ZNF536: variants seen among roughly 807,000 people sequenced by gnomAD.
ZNF536 encodes the protein zinc finger protein 536.
A neutral mutation model predicts 84.5 loss-of-function variants in ZNF536; 13 were observed. That is an observed-to-expected ratio of 0.15 (90% CI 0.10 to 0.24). The LOEUF (loss-of-function observed/expected upper bound fraction) is 0.24. ZNF536 is among the 10% of genes least tolerant of loss of function. The pLI, the probability that ZNF536 is intolerant of heterozygous loss-of-function variation, is 1.00. For synonymous variants in ZNF536, 811 were observed against 742.5 expected, an observed-to-expected ratio of 1.09 and a Z score of -1.50; for missense variants, 1,536 against 1,747.5, an observed-to-expected ratio of 0.88 and a Z score of 2.16.
intron 1 of ZNF536, among the ~76,000 whole-genome samples, chr19:30,410,957 T>G (rs2050470732): frequency 6.6e-6 from 1 of 152,192 alleles, no homozygotes; most frequent in Non-Finnish European, 1.5e-5. Flanking sequence ...GACACTAGCA[T>G]TTATATACTT....
intron 1 of ZNF536, among the ~76,000 whole-genome samples, chr19:30,681,460 G>A (rs868014839): frequency 9.2e-5 from 14 of 152,226 alleles, no homozygotes; most frequent in Admixed American, 3.9e-4. Flanking sequence ...GTAGGAAATA[G>A]GGGCGTGCCC....
chr19:30,574,948 T>C (rs909580682), intron 1 of ZNF536, among the ~76,000 whole-genome samples: 3 of 152,194 alleles, frequency 2.0e-5, no homozygotes, highest in Non-Finnish European at 4.4e-5. Flanking sequence ...CGGAAAGTGA[T>C]GGCAGGAAGG....
chr19:30,704,118 G>T (rs2052116427), intron 1 of ZNF536, among the ~76,000 whole-genome samples: 1 of 152,156 alleles, frequency 6.6e-6, no homozygotes, highest in Admixed American at 6.5e-5. Flanking sequence ...GTTCAACTTG[G>T]GAGAGGCTAT....
intron 1 of ZNF536, among the ~76,000 whole-genome samples, chr19:30,398,511 A>C (rs947296403): frequency 3.3e-5 from 5 of 151,770 alleles, no homozygotes; most frequent in African/African-American, 7.3e-5. Flanking sequence ...CCTGCATGAG[A>C]TATTTCTCCT....
At chr19:30,437,717 C>A (rs2051817750) in intron 1 of ZNF536, among the ~76,000 whole-genome samples, 1 of 152,102 alleles carries the variant, frequency 6.6e-6, no homozygotes, top group African/African-American at 2.4e-5. Flanking sequence ...GGGAATGTTG[C>A]CATGTTTCTA....
chr19:30,603,453 G>C (rs982407387), intron 1 of ZNF536, among the ~76,000 whole-genome samples: 2 of 152,150 alleles, frequency 1.3e-5, no homozygotes, highest in Non-Finnish European at 2.9e-5. Context: ...CGAACAAATA[G>C]AAGCCACTTG....
At chr19:30,624,456 T>C (rs1221948663) in intron 1 of ZNF536, among the ~76,000 whole-genome samples, 1 of 152,200 alleles carries the variant, frequency 6.6e-6, no homozygotes, top group East Asian at 1.9e-4. Context: ...ACACATGCAG[T>C]GATGGCTTCC....
chr19:30,242,312 G>A (rs554183662), intron 1 of ZNF536, among the ~76,000 whole-genome samples: 1 of 152,266 alleles, frequency 6.6e-6, no homozygotes, highest in South Asian at 2.1e-4. Context: ...TTCCTGTTGG[G>A]GTTCACAAGG....
chr19:30,610,762 G>A (rs993896226), intron 1 of ZNF536, among the ~76,000 whole-genome samples: 1 of 152,150 alleles, frequency 6.6e-6, no homozygotes, highest in Non-Finnish European at 1.5e-5. Context: ...GAGTGTGTGT[G>A]TGGAGGCGGG....
intron 1 of ZNF536, among the ~76,000 whole-genome samples, chr19:30,406,864 A>T (rs1483749740): frequency 6.6e-6 from 1 of 152,194 alleles, no homozygotes; most frequent in Non-Finnish European, 1.5e-5. Flanking sequence ...ACCTTTTAAA[A>T]GATGTTTGAT....
chr19:30,522,619 A>G lies in ZNF536; in HGVS notation c.2171-12228A>G, dbSNP rs148314025. Among the ~76,000 whole-genome samples, 261 of 152,204 alleles carry G rather than the reference A, an allele frequency of 1.7e-3. 1 individual carries two copies. The highest frequency in any genetic ancestry group is 6.1e-3 in the African/African-American group (254 of 41,528). The stretch of plus-strand genomic sequence containing the variant: ...TTCTTAAAGGAACACACACATCCTA[A>G]TAGGCATGCTTTTCAGATGCAAAAA... On this transcript the variant is annotated intron_variant, in intron 2 of 4. Coordinates refer to ENST00000355537, the MANE Select transcript of ZNF536 (RefSeq NM_014717.3).
At chr19:30,321,479 GC>G in intron 2 of ZNF536, among the ~76,000 whole-genome samples, 1 of 152,232 alleles carries the variant, frequency 6.6e-6, no homozygotes, top group East Asian at 1.9e-4. Context: ...AGTCACTTGA[GC>G]CTGGGAGGTG....
At chr19:30,555,633 C>G (rs1216320194) in intron 4 of ZNF536, 1 of 152,128 alleles carries the variant, frequency 6.6e-6, no homozygotes, top group Admixed American at 6.5e-5. Context: ...CAAGAAACGG[C>G]AAAGGTCTGC....
intron 1 of ZNF536, among the ~76,000 whole-genome samples, chr19:30,631,112 C>G (rs1028253340): frequency 2.0e-5 from 3 of 152,196 alleles, no homozygotes; most frequent in Non-Finnish European, 4.4e-5. Context: ...CGGGCACTCC[C>G]GACCGGCTCT....
chr19:30,339,703 A>G (rs1188298879), intron 2 of ZNF536, among the ~76,000 whole-genome samples: 1 of 152,130 alleles, frequency 6.6e-6, no homozygotes, highest in Non-Finnish European at 1.5e-5. Context: ...TCTCTGCACC[A>G]TAGGGAGACA....
At chr19:30,617,936 C>A (rs561313133) in intron 1 of ZNF536, among the ~76,000 whole-genome samples, 2 of 152,082 alleles carry the variant, frequency 1.3e-5, no homozygotes, top group Non-Finnish European at 2.9e-5. Flanking sequence ...TGGTCTATTG[C>A]GTTTTATTCC....
intron 2 of ZNF536, among the ~76,000 whole-genome samples, chr19:30,471,496 G>A (rs2144639375): frequency 6.6e-6 from 1 of 152,342 alleles, no homozygotes; most frequent in South Asian, 2.1e-4. Context: ...GCAGTCCCAT[G>A]AGACTGGTCT....
chr19:30,569,656 T>C (rs8113361), intron 1 of ZNF536, among the ~76,000 whole-genome samples: 67,245 of 146,804 alleles, frequency 0.46, 17,381 homozygotes, highest in African/African-American at 0.72. Flanking sequence ...CTGCAACTTC[T>C]GCCTCCTGGG....
At chr19:30,611,158 G>A (rs919503393) in intron 1 of ZNF536, among the ~76,000 whole-genome samples, 1 of 152,152 alleles carries the variant, frequency 6.6e-6, no homozygotes, top group African/African-American at 2.4e-5. Flanking sequence ...CCCTCTGGGG[G>A]TAGAATAAGT....
Sources: gnomAD v4.1 joint callset for allele counts (sites outside exome capture counted in the v4.1 genomes callset) on GRCh38, gnomAD v4.1.1 for gene constraint, MANE v1.5 for transcripts, NCBI Gene and HGNC (gene_info 2026-07-23, HGNC 2026-07-21) for gene names.